The following DENND11 variants were observed in gnomAD, a reference collection of about 807,000 sequenced individuals.
DENND11 encodes the protein DENN domain containing 11, also known as DENN domain-containing protein 11.
Under a neutral mutation model 49.2 loss-of-function variants are expected in DENND11, and 34 were observed. The observed-to-expected ratio is 0.69, with a 90% CI of 0.53 to 0.92. The LOEUF (loss-of-function observed/expected upper bound fraction) is 0.92, where lower values mean the gene tolerates loss of function less well. Ranked by LOEUF, DENND11 falls within the 40% of genes least tolerant of loss-of-function variation. The probability of loss-of-function intolerance (pLI) is 0.00; values close to 1 mark genes in which losing one functional copy is unlikely to be tolerated. For synonymous variants in DENND11, 238 were observed against 230.3 expected (o/e 1.03, Z -0.30); for missense variants, 475 against 581.6 (o/e 0.82, Z 1.88).
intron 6 of DENND11, 26 bp from the exon 7 acceptor site, chr7:141,665,080 G>A: frequency 1.9e-6 from 3 of 1,612,098 alleles, no homozygotes; most frequent in Non-Finnish European, 2.5e-6. Context: ...TTAGAGAGGT[G>A]GGAACCCACC....
intron 1 of DENND11, chr7:141,701,637 G>C (rs1415578895): frequency 7.9e-6 from 2 of 252,774 alleles, no homozygotes; most frequent in Non-Finnish European, 1.5e-5. Flanking sequence ...GGAGGTCGGC[G>C]GGGCTGGAAC....
At position 141,660,769 on chromosome 7, in the gene DENND11, C is replaced by T. The variant is rs1324172152; in HGVS notation, c.*1887G>A. The T allele has an allele frequency of 6.6e-6, 1 of 152,606 alleles. No individual in the cohort carries two copies. Among genetic ancestry groups the T allele is most frequent in the Non-Finnish European group, 1.5e-5 (1 of 68,048 alleles). The allele number at this position is 152,606 out of a possible 1,614,324, so 9.5% of individuals were successfully genotyped here. On this transcript the variant is annotated 3_prime_UTR_variant, in exon 9 of 9. Coordinates refer to ENST00000536163, the MANE Select transcript of DENND11 (RefSeq NM_001080392.2). The stretch of plus-strand genomic sequence containing the variant: ...TTACTTGACAGAAAGGACCCCTCAA[C>T]CCTTGAGAGGCAAGAAGAGAGGGTT...
chr7:141,682,506 G>A (rs148007327), intron 3 of DENND11, among the ~76,000 whole-genome samples: 4 of 152,338 alleles, frequency 2.6e-5, no homozygotes, highest in African/African-American at 9.6e-5. Context: ...AGTGAGATAT[G>A]TAAATTCTAG....
chr7:141,677,501 GTGTATATATATATATATA>G (rs1235481797), intron 3 of DENND11, among the ~76,000 whole-genome samples: 11 of 130,360 alleles, frequency 8.4e-5, no homozygotes, highest in South Asian at 8.2e-4. Context: ...GTGTGTGTGT[GTGTATATATATATATATA>G]TGTATATATA....
intron 1 of DENND11, among the ~76,000 whole-genome samples, chr7:141,689,448 G>A (rs1303560715): frequency 6.6e-6 from 1 of 152,186 alleles, no homozygotes; most frequent in African/African-American, 2.4e-5. Context: ...ACCAGGTCCT[G>A]TCAGCAGGGA....
intron 3 of DENND11, among the ~76,000 whole-genome samples, chr7:141,683,372 G>A (rs1299891559): frequency 6.6e-6 from 1 of 152,192 alleles, no homozygotes; most frequent in East Asian, 1.9e-4. Flanking sequence ...CAGGCTCAGT[G>A]GCTCATGCCG....
At chr7:141,684,704 A>G (rs182873243) in intron 3 of DENND11, among the ~76,000 whole-genome samples, 48 of 152,302 alleles carry the variant, frequency 3.2e-4, no homozygotes, top group Middle Eastern at 6.8e-3. Context: ...TATATATTGT[A>G]TGATGCCAAA....
At chr7:141,674,339 AG>A in intron 3 of DENND11, 119 bp from the exon 4 acceptor site, 1 of 1,390,106 alleles carries the variant, frequency 7.2e-7, no homozygotes, top group Non-Finnish European at 9.3e-7. Flanking sequence ...TCAGGGGCAA[AG>A]GCCCTGACAT....
At chr7:141,677,993 C>G (rs376757113) in intron 3 of DENND11, among the ~76,000 whole-genome samples, 1 of 151,248 alleles carries the variant, frequency 6.6e-6, no homozygotes, top group Non-Finnish European at 1.5e-5. Context: ...AATGGAGTCT[C>G]GCTCTGTTGC....
chr7:141,671,240 G>A (rs771931561), intron 4 of DENND11, among the ~76,000 whole-genome samples: 2 of 152,112 alleles, frequency 1.3e-5, no homozygotes, highest in African/African-American at 4.8e-5. Context: ...GCAGTGGTGC[G>A]ATGTTGGCTC....
rs139802712 is a variant in DENND11, at chr7:141,660,981, T to G, written c.*1675A>C. 7.3e-4 allele frequency: 111 copies of G among 152,522 alleles called. No homozygotes were observed. Among genetic ancestry groups the G allele is most frequent in the African/African-American group, 2.6e-3 (108 of 41,594 alleles). The allele number at this position is 152,522 out of a possible 1,614,324, so 9.4% of individuals were successfully genotyped here. A position where few individuals can be genotyped will look rare whatever the true frequency, so the allele number is the denominator to read the frequency against. ...ATTTACATAAAGATGCTACCTTGAT[T>G]AATCAATGTCTATTTGCATTTCCAC... On this transcript the variant is annotated 3_prime_UTR_variant, in exon 9 of 9. Coordinates refer to ENST00000536163, the MANE Select transcript of DENND11 (RefSeq NM_001080392.2).
chr7:141,685,774 C>T, intron 2 of DENND11, 138 bp from the exon 3 acceptor site: 1 of 875,282 alleles, frequency 1.1e-6, no homozygotes, highest in Non-Finnish European at 1.7e-6. Flanking sequence ...GGCCAAGCCA[C>T]ATGACCTCAC....
In DENND11 at chr7:141,685,613, A is replaced by G; in HGVS notation, c.392T>C (p.Phe131Ser). The change falls in exon 3 of 9, where the codon TTC becomes TCC. Residue 131 changes from phenylalanine to serine, a missense_variant. Coordinates refer to ENST00000536163, the MANE Select transcript of DENND11 (RefSeq NM_001080392.2). ...DFIYFRKGPF[F>S]GLACFANMPV... Reference sequence around the variant, plus strand: ...CATGTTGGCAAAGCAGGCCAGGCCGAAGAAGGGCCCCTTTCGGAAATAGCT... The same window carrying G: ...CATGTTGGCAAAGCAGGCCAGGCCGGAGAAGGGCCCCTTTCGGAAATAGCT... The G allele has an allele frequency of 6.2e-7, 1 of 1,614,010 alleles. No individual in the cohort carries two copies. The highest frequency in any genetic ancestry group is 8.5e-7 in the Non-Finnish European group (1 of 1,179,884).
intron 3 of DENND11, among the ~76,000 whole-genome samples, chr7:141,678,326 T>C (rs1044964289): frequency 1.1e-4 from 17 of 152,226 alleles, no homozygotes; most frequent in Non-Finnish European, 2.4e-4. Context: ...TATTTGCACA[T>C]GGGAAAAGAC....
At position 141,662,620 on chromosome 7, in the gene DENND11, C is replaced by T. The variant is rs762144422; in HGVS notation, c.*36G>A. 4 of 1,483,694 alleles carry T rather than the reference C, an allele frequency of 2.7e-6. No individual in the cohort carries two copies. In the African/African-American group the frequency reaches 4.3e-5, roughly 16 times the overall value. The allele number at this position is 1,483,694 out of a possible 1,614,324, so 91.9% of individuals were successfully genotyped here. ...GGGGTGAACTCCGGGCTGCTGACAT[C>T]CCACGTGAAGTGGCTCCCAGTCCTG... is the stretch of plus-strand genomic sequence containing the variant. On this transcript the variant is annotated 3_prime_UTR_variant, in exon 9 of 9. Transcript: ENST00000536163.
chr7:141,685,484 T>G lies in DENND11; in HGVS notation c.521A>C (p.Gln174Pro), dbSNP rs1391008129. The G allele has an allele frequency of 6.2e-7, 1 of 1,613,848 alleles. No individual in the cohort carries two copies. Among genetic ancestry groups the G allele is most frequent in the Non-Finnish European group, 8.5e-7 (1 of 1,179,866 alleles). ...LYRYMHFLEN[Q>P]VRHQLEMPGH... ...ATGTACGGAAGCCACGTACCGAACC[T>G]GGTTCTCCAAGAAGTGCATGTAGCG... is the stretch of plus-strand genomic sequence containing the variant. Residue 174 changes from glutamine (Q) to proline (P), a missense_variant, in exon 3 of 9, where the codon CAG (glutamine) becomes CCG (proline). Transcript: ENST00000536163.
rs139126971 is a variant in DENND11 at position 141,677,709 on chromosome 7, G to A, written c.528-3489C>T. ...CTCTGATCTAATGATTCTCCTTCTC[G>A]GAGTGAGGCCTAAAGAACTATTTCT... On this transcript the variant is annotated intron_variant, in intron 3 of 8. Transcript: ENST00000536163. Among the ~76,000 whole-genome samples, 16 of 151,366 alleles carry A rather than the reference G, an allele frequency of 1.1e-4. No homozygotes were observed. In the East Asian group the frequency reaches 1.9e-3, roughly 18 times the overall value.
chr7:141,685,029 A>AATAT lies in DENND11; in HGVS notation c.527+445_527+448dup, dbSNP rs1167922771. Among the ~76,000 whole-genome samples, 726 of 91,412 alleles carry AATAT rather than the reference A, an allele frequency of 7.9e-3. 13 individuals are homozygous for AATAT. Among genetic ancestry groups the AATAT allele is most frequent in the African/African-American group, 0.012 (272 of 23,136 alleles). The allele number at this position is 91,412 out of a possible 152,430, so 60.0% of individuals were successfully genotyped here. ...GTCTCTACCAAAAAAAAAAAAAAAA[A>AATAT]ATATATATATATATATATATATATA... is the stretch of plus-strand genomic sequence containing the variant. On this transcript the variant is annotated intron_variant, in intron 3 of 8. Coordinates refer to ENST00000536163, the MANE Select transcript of DENND11 (RefSeq NM_001080392.2).
intron 4 of DENND11, among the ~76,000 whole-genome samples, chr7:141,671,082 C>A (rs1278782361): frequency 6.6e-6 from 1 of 152,202 alleles, no homozygotes; most frequent in Admixed American, 6.5e-5. Flanking sequence ...TAGTTTTCTA[C>A]CACTGTGAAC....
Sources: allele counts gnomAD v4.1 joint callset (sites outside exome capture counted in the v4.1 genomes callset), GRCh38; gene constraint gnomAD v4.1.1; transcripts MANE v1.5; gene names NCBI Gene and HGNC (gene_info 2026-07-23, HGNC 2026-07-21).